The following OSBPL8 variants were observed in gnomAD, a reference collection of about 807,000 sequenced individuals.
OSBPL8 encodes oxysterol binding protein like 8, also known as oxysterol-binding protein-related protein 8.
In OSBPL8, 59 loss-of-function variants were observed where a neutral mutation model predicts 125.5. The ratio of observed to expected loss-of-function variants is 0.47; its 90% CI spans 0.38 to 0.58. The LOEUF (loss-of-function observed/expected upper bound fraction) is 0.58, where lower values mean the gene tolerates loss of function less well. Ranked by LOEUF, OSBPL8 falls within the 20% of genes least tolerant of loss-of-function variation. The pLI is 0.00. For synonymous variants in OSBPL8, 330 were observed against 338.9 expected (o/e 0.97, Z 0.29); for missense variants, 758 against 1,047.8 (o/e 0.72, Z 3.82).
At chr12:76,372,377 A>T (rs530415123) in intron 18 of OSBPL8, among the ~76,000 whole-genome samples, 28 of 151,812 alleles carry the variant, frequency 1.8e-4, no homozygotes, top group Admixed American at 6.6e-4. Context: ...TAATTTTTTT[A>T]TTTTTATGTT....
chr12:76,363,998 A>G (rs953961946), intron 21 of OSBPL8, among the ~76,000 whole-genome samples: 14 of 152,214 alleles, frequency 9.2e-5, no homozygotes, highest in African/African-American at 1.4e-4. Flanking sequence ...AAGTCAGGAA[A>G]CAACAGATGC....
chr12:76,526,260 A>G (rs974867732), intron 1 of OSBPL8, among the ~76,000 whole-genome samples: 1 of 152,238 alleles, frequency 6.6e-6, no homozygotes, highest in African/African-American at 2.4e-5. Context: ...TTCCATTAAT[A>G]GAAAATAATT....
At chr12:76,376,132 G>A (rs1592552796) in intron 16 of OSBPL8, among the ~76,000 whole-genome samples, 1 of 152,204 alleles carries the variant, frequency 6.6e-6, no homozygotes, top group Non-Finnish European at 1.5e-5. Context: ...CTCAGTATTT[G>A]CTAACTCAGT....
intron 1 of OSBPL8, among the ~76,000 whole-genome samples, chr12:76,514,113 G>T (rs1304650714): frequency 2.0e-5 from 3 of 151,912 alleles, no homozygotes; most frequent in Non-Finnish European, 4.4e-5. Context: ...CAGGCCTGGT[G>T]GTTAACAAAT....
chr12:76,356,798 T>A, intron 22 of OSBPL8, 70 bp from the exon 23 acceptor site: 1 of 1,059,994 alleles, frequency 9.4e-7, no homozygotes, highest in Non-Finnish European at 1.4e-6. Flanking sequence ...GTGTCTCATG[T>A]AATAAAAATT....
intron 20 of OSBPL8, 68 bp from the exon 21 acceptor site, chr12:76,369,369 T>C: frequency 6.6e-7 from 1 of 1,517,810 alleles, no homozygotes; most frequent in Non-Finnish European, 8.8e-7. Context: ...AACTTTCTAT[T>C]CTATGATCCA....
chr12:76,524,613 G>GT (rs994485975), intron 1 of OSBPL8, among the ~76,000 whole-genome samples: 76 of 150,182 alleles, frequency 5.1e-4, no homozygotes, highest in African/African-American at 1.8e-3. Flanking sequence ...CCACTGTGAA[G>GT]TTTTTTTTGG....
At chr12:76,392,185 T>C (rs930793307) in intron 10 of OSBPL8, among the ~76,000 whole-genome samples, 3 of 152,190 alleles carry the variant, frequency 2.0e-5, no homozygotes, top group African/African-American at 2.4e-5. Flanking sequence ...TGTTACTCTA[T>C]AGAAAGACAG....
In OSBPL8 at chr12:76,369,743, C is replaced by T. The variant is rs759143633; in HGVS notation, c.2134G>A (p.Ala712Thr). 1.9e-6 allele frequency: 3 copies of T among 1,613,668 alleles called. No homozygotes were observed. The Admixed American group carries it at 5.0e-5, about 27-fold the overall frequency. The change falls in exon 20 of 24, where the codon GCT (alanine) becomes ACT (threonine). Residue 712 changes from alanine to threonine, a missense_variant. This residue lies in a region of OSBPL8 where 572 missense variants were observed against 762.0 expected (regional missense o/e 0.75). Transcript: ENST00000261183. ...CGATCCCTGGCAGCTTGTCTTTGAGCTTCTTCCAAAACATACTTCTCTTGG... is the reference window on the plus strand; with the variant it reads ...CGATCCCTGGCAGCTTGTCTTTGAGTTTCTTCCAAAACATACTTCTCTTGG... The part of the protein sequence containing the change: ...ATQEKYVLEE[A>T]QRQAARDRKT...
intron 1 of OSBPL8, among the ~76,000 whole-genome samples, chr12:76,548,823 T>C (rs1216191782): frequency 6.6e-6 from 1 of 152,146 alleles, no homozygotes. Flanking sequence ...CTAGTCTGTC[T>C]TTCTTAACCA....
intron 1 of OSBPL8, among the ~76,000 whole-genome samples, chr12:76,496,578 T>C (rs1265488665): frequency 2.6e-5 from 4 of 151,988 alleles, no homozygotes; most frequent in Non-Finnish European, 5.9e-5. Flanking sequence ...TTCGCTCTTG[T>C]TGCCCAGGCT....
intron 2 of OSBPL8, among the ~76,000 whole-genome samples, chr12:76,468,366 T>G (rs1382445929): frequency 6.6e-6 from 1 of 152,222 alleles, no homozygotes; most frequent in East Asian, 1.9e-4. Flanking sequence ...TAACTCAAAC[T>G]CCACTTAGCT....
intron 1 of OSBPL8, among the ~76,000 whole-genome samples, chr12:76,520,333 G>C (rs1368052795): frequency 1.3e-5 from 2 of 152,084 alleles, no homozygotes; most frequent in Non-Finnish European, 2.9e-5. Flanking sequence ...TACAGAACTG[G>C]TCACACTGTA....
intron 1 of OSBPL8, among the ~76,000 whole-genome samples, chr12:76,524,375 T>C (rs1445275755): frequency 6.6e-6 from 1 of 152,212 alleles, no homozygotes; most frequent in Non-Finnish European, 1.5e-5. Flanking sequence ...ATCCTATAAC[T>C]ACTGACAGTA....
At chr12:76,392,021 C>A (rs1439495518) in intron 10 of OSBPL8, among the ~76,000 whole-genome samples, 1 of 152,118 alleles carries the variant, frequency 6.6e-6, no homozygotes, top group Non-Finnish European at 1.5e-5. Flanking sequence ...CACTACTGCC[C>A]AGTTTCCTTG....
rs558602342 is a variant in OSBPL8 at position 76,375,231 on chromosome 12, CT to C, written c.1827+41del. Reference sequence around the variant, plus strand: ...CCTTTATTCAATATTTATTGTATGGCTCTCCTTTAGCTAGGTGATACCTACT... The same window carrying C: ...CCTTTATTCAATATTTATTGTATGGCCTCCTTTAGCTAGGTGATACCTACT... On this transcript the variant is annotated intron_variant, in intron 17 of 23. Transcript: ENST00000261183. 2.2e-5 allele frequency: 29 copies of C among 1,317,772 alleles called. 1 individual carries two copies. The African/African-American group carries it at 4.3e-4, about 19-fold the overall frequency. 81.6% of individuals were successfully genotyped at this position (1,317,772 alleles called of 1,614,324 possible).
At chr12:76,471,241 C>T (rs1306073848) in intron 2 of OSBPL8, among the ~76,000 whole-genome samples, 1 of 152,180 alleles carries the variant, frequency 6.6e-6, no homozygotes, top group African/African-American at 2.4e-5. Flanking sequence ...TATGGGACAC[C>T]AAGCCTCTGT....
chr12:76,449,969 C>CCAT (rs1555223157), intron 4 of OSBPL8, among the ~76,000 whole-genome samples: 1 of 151,596 alleles, frequency 6.6e-6, no homozygotes, highest in African/African-American at 2.4e-5. Flanking sequence ...AAACCCCCCC[C>CCAT]ATATATATAT....
chr12:76,435,604 G>T (rs1871352228), intron 4 of OSBPL8, among the ~76,000 whole-genome samples: 1 of 152,144 alleles, frequency 6.6e-6, no homozygotes. Flanking sequence ...CTTGATTGTG[G>T]TGATAATTTC....
Sources: allele counts gnomAD v4.1 joint callset (sites outside exome capture counted in the v4.1 genomes callset), GRCh38; gene constraint gnomAD v4.1.1; regional missense constraint gnomAD v4.1.1; transcripts MANE v1.5; gene names NCBI Gene and HGNC (gene_info 2026-07-23, HGNC 2026-07-21).